The following APBB2 variants were observed in gnomAD, a reference collection of about 807,000 sequenced individuals.
APBB2 encodes amyloid beta precursor protein binding family B member 2.
In APBB2, 38 loss-of-function variants were observed where a neutral mutation model predicts 82.5. The observed-to-expected ratio is 0.46, with a 90% CI of 0.36 to 0.60. The LOEUF is 0.60. APBB2 is among the 20% of genes least tolerant of loss of function. The probability of loss-of-function intolerance (pLI) is 0.00; values close to 1 mark genes in which losing one functional copy is unlikely to be tolerated. For synonymous variants in APBB2, 341 were observed against 368.2 expected, an observed-to-expected ratio of 0.93 and a Z score of 0.85; for missense variants, 772 against 972.3, an observed-to-expected ratio of 0.79 and a Z score of 2.74.
At chr4:40,907,537 A>G (rs1221310554) in intron 10 of APBB2, among the ~76,000 whole-genome samples, 1 of 150,688 alleles carries the variant, frequency 6.6e-6, no homozygotes, top group African/African-American at 2.4e-5. Context: ...AGCCTGGCTG[A>G]TTTTTGTATT....
intron 5 of APBB2, among the ~76,000 whole-genome samples, chr4:41,026,581 CAT>C (rs1714336080): frequency 6.6e-6 from 1 of 152,204 alleles, no homozygotes; most frequent in African/African-American, 2.4e-5. Flanking sequence ...TAAACAGAAT[CAT>C]ATAATGAGAT....
chr4:40,911,606 T>C (rs946080947), intron 10 of APBB2, among the ~76,000 whole-genome samples: 2 of 152,104 alleles, frequency 1.3e-5, no homozygotes, highest in Non-Finnish European at 2.9e-5. Context: ...CCCAATCCAA[T>C]CCATGTCTGG....
intron 7 of APBB2, 48 bp from the exon 8 acceptor site, chr4:40,935,187 AAAAAG>A: frequency 1.3e-5 from 17 of 1,261,600 alleles, no homozygotes; most frequent in South Asian, 7.1e-5. Context: ...TGATTTAAAG[AAAAAG>A]AAAAGAAAAG....
intron 7 of APBB2, among the ~76,000 whole-genome samples, chr4:40,942,380 T>A (rs1032460196): frequency 6.6e-6 from 1 of 152,134 alleles, no homozygotes; most frequent in Non-Finnish European, 1.5e-5. Context: ...ATGGAACTGA[T>A]AGAAGGTGGA....
At chr4:40,834,842 C>G (rs958004130) in intron 12 of APBB2, among the ~76,000 whole-genome samples, 2 of 152,112 alleles carry the variant, frequency 1.3e-5, no homozygotes, top group East Asian at 1.9e-4. Flanking sequence ...CATTTCTGAC[C>G]ACCAGAAACA....
chr4:41,027,638 A>G (rs1321457901), intron 5 of APBB2, among the ~76,000 whole-genome samples: 1 of 152,102 alleles, frequency 6.6e-6, no homozygotes. Flanking sequence ...CTAGCATGTA[A>G]TAAGACTCAA....
chr4:41,025,988 A>T (rs1027557123), intron 5 of APBB2, among the ~76,000 whole-genome samples: 2 of 151,956 alleles, frequency 1.3e-5, no homozygotes, highest in Non-Finnish European at 2.9e-5. Context: ...TGTGGTACAT[A>T]TATACCATGG....
chr4:41,183,431 G>A (rs374971570), intron 1 of APBB2, among the ~76,000 whole-genome samples: 29 of 152,134 alleles, frequency 1.9e-4, no homozygotes, highest in African/African-American at 6.5e-4. Flanking sequence ...GAATGTGATC[G>A]TATTCAGAAA....
chr4:41,048,524 C>G (rs572802387), intron 4 of APBB2, among the ~76,000 whole-genome samples: 1 of 152,144 alleles, frequency 6.6e-6, no homozygotes, highest in African/African-American at 2.4e-5. Context: ...TAACAGGCAG[C>G]AAGATAGTAA....
At chr4:40,854,790 CAAAAAAA>C (rs80240731) in intron 12 of APBB2, among the ~76,000 whole-genome samples, 20 of 124,810 alleles carry the variant, frequency 1.6e-4, no homozygotes, top group Admixed American at 1.6e-4. Flanking sequence ...AGTCCATCTC[CAAAAAAA>C]AAAAAAAAAA....
chr4:40,957,194 T>C (rs992092719), intron 6 of APBB2, among the ~76,000 whole-genome samples: 26 of 152,258 alleles, frequency 1.7e-4, no homozygotes, highest in Non-Finnish European at 7.3e-5. Context: ...TATCAATTGC[T>C]ACATTCATAT....
At chr4:41,159,974 A>AGAAGAAGAG (rs1764606808) in intron 1 of APBB2, among the ~76,000 whole-genome samples, 1 of 117,006 alleles carries the variant, frequency 8.5e-6, no homozygotes, top group South Asian at 2.6e-4. Context: ...AAGAAGAAGA[A>AGAAGAAGAG]GAAGAAGAAG....
At chr4:41,025,582 A>G in intron 5 of APBB2, among the ~76,000 whole-genome samples, 1 of 152,172 alleles carries the variant, frequency 6.6e-6, no homozygotes. Context: ...ACAACAGCAA[A>G]GACATGGAAT....
intron 1 of APBB2, among the ~76,000 whole-genome samples, chr4:41,182,574 A>C (rs1390247787): frequency 6.6e-6 from 1 of 152,230 alleles, no homozygotes; most frequent in Non-Finnish European, 1.5e-5. Context: ...TCATCACATG[A>C]ATAGCTATAT....
chr4:40,963,518 G>A (rs1793840202), intron 6 of APBB2, among the ~76,000 whole-genome samples: 1 of 152,202 alleles, frequency 6.6e-6, no homozygotes, highest in Non-Finnish European at 1.5e-5. Flanking sequence ...AAAGTGCTGG[G>A]ATTACAGGCA....
chr4:41,151,133 G>C (rs1762172150), intron 1 of APBB2, among the ~76,000 whole-genome samples: 1 of 152,102 alleles, frequency 6.6e-6, no homozygotes, highest in African/African-American at 2.4e-5. Flanking sequence ...TAATCTTGAG[G>C]TGTGTCTTAT....
At chr4:40,823,551 G>A (rs530370341) in intron 16 of APBB2, 93 bp downstream of exon 16, 18 of 877,820 alleles carry the variant, frequency 2.1e-5, no homozygotes, top group Admixed American at 5.7e-5. Flanking sequence ...GCACAACTCC[G>A]GCCTTGACTA....
chr4:41,101,658 C>T (rs1236931874), intron 2 of APBB2, among the ~76,000 whole-genome samples: 5 of 151,516 alleles, frequency 3.3e-5, no homozygotes, highest in Non-Finnish European at 7.4e-5. Context: ...TCTAACCTCA[C>T]TTATAACACG....
At chr4:40,885,528 A>G (rs1428724117) in intron 12 of APBB2, among the ~76,000 whole-genome samples, 2 of 152,204 alleles carry the variant, frequency 1.3e-5, no homozygotes, top group African/African-American at 2.4e-5. Context: ...GACTGTTATT[A>G]AAAAGTCTCA....
Sources: gnomAD v4.1 joint callset for allele counts (sites outside exome capture counted in the v4.1 genomes callset) on GRCh38, gnomAD v4.1.1 for gene constraint, MANE v1.5 for transcripts, NCBI Gene and HGNC (gene_info 2026-07-23, HGNC 2026-07-21) for gene names.